Variants in AGPS observed in about 807,000 individuals in gnomAD.
The protein encoded by AGPS is alkylglycerone phosphate synthase, also known as alkyldihydroxyacetonephosphate synthase, peroxisomal.
A neutral mutation model predicts 90.7 loss-of-function variants in AGPS; 26 were observed. The ratio of observed to expected loss-of-function variants is 0.29; its 90% CI spans 0.21 to 0.40. AGPS has a LOEUF of 0.40. AGPS is among the 10% of genes least tolerant of loss of function. The pLI, the probability that AGPS is intolerant of heterozygous loss-of-function variation, is 1.00. For missense variants in AGPS, 540 were observed against 816.1 expected, an observed-to-expected ratio of 0.66 and a Z score of 4.12; for synonymous variants, 294 against 285.3, an observed-to-expected ratio of 1.03 and a Z score of -0.31.
chr2:177,530,153 C>G (rs2105740616), intron 19 of AGPS, among the ~76,000 whole-genome samples: 1 of 152,268 alleles, frequency 6.6e-6, no homozygotes, highest in South Asian at 2.1e-4. Context: ...TATGATTCAA[C>G]AATAGTTTTA....
At chr2:177,492,263 T>C (rs1046072793) in intron 11 of AGPS, among the ~76,000 whole-genome samples, 2 of 152,230 alleles carry the variant, frequency 1.3e-5, no homozygotes, top group Admixed American at 1.3e-4. Context: ...TCTCATATTT[T>C]ACTTATGTGC....
At chr2:177,436,629 G>A in intron 3 of AGPS, 135 bp from the exon 4 acceptor site, 2 of 789,076 alleles carry the variant, frequency 2.5e-6, no homozygotes, top group Non-Finnish European at 4.1e-6. Context: ...TATATGTTGT[G>A]TTGTATTTTC....
chr2:177,455,865 C>G (rs1204870447), intron 8 of AGPS, among the ~76,000 whole-genome samples: 1 of 151,618 alleles, frequency 6.6e-6, no homozygotes, highest in Non-Finnish European at 1.5e-5. Flanking sequence ...AGGAATATAT[C>G]TGAAGGTCAG....
At chr2:177,537,930 C>A in intron 19 of AGPS, 144 bp from the exon 20 acceptor site, 2 of 1,156,334 alleles carry the variant, frequency 1.7e-6, no homozygotes, top group South Asian at 1.3e-5. Flanking sequence ...GTCTGGTGGG[C>A]TCAATAAATC....
intron 1 of AGPS, among the ~76,000 whole-genome samples, chr2:177,396,464 G>A (rs1217866084): frequency 6.6e-6 from 1 of 152,174 alleles, no homozygotes; most frequent in Admixed American, 6.5e-5. Context: ...GAAAAATGAA[G>A]CAGCTGAAGG....
chr2:177,482,985 T>C (rs1687990257), intron 11 of AGPS, among the ~76,000 whole-genome samples: 1 of 152,128 alleles, frequency 6.6e-6, no homozygotes, highest in African/African-American at 2.4e-5. Flanking sequence ...TTTTTTTCTT[T>C]CTTCAAACTC....
intron 10 of AGPS, among the ~76,000 whole-genome samples, chr2:177,469,018 T>C (rs1687536156): frequency 6.6e-6 from 1 of 152,100 alleles, no homozygotes; most frequent in Non-Finnish European, 1.5e-5. Flanking sequence ...ACACAAATAG[T>C]ATCATTTTCT....
At chr2:177,453,147 T>G (rs896044642) in intron 8 of AGPS, among the ~76,000 whole-genome samples, 3 of 152,152 alleles carry the variant, frequency 2.0e-5, no homozygotes, top group Non-Finnish European at 2.9e-5. Context: ...TAGATTGATA[T>G]TCTTTCAGCA....
chr2:177,499,397 TAA>T (rs1444519252), intron 13 of AGPS, among the ~76,000 whole-genome samples: 1 of 151,910 alleles, frequency 6.6e-6, no homozygotes, highest in East Asian at 1.9e-4. Context: ...TACTTTGAAA[TAA>T]AGTGTTTTTT....
intron 2 of AGPS, among the ~76,000 whole-genome samples, chr2:177,433,711 A>G (rs1400854550): frequency 6.6e-6 from 1 of 152,148 alleles, no homozygotes; most frequent in African/African-American, 2.4e-5. Context: ...CAAGCAATTA[A>G]CTTGACTGAT....
chr2:177,459,375 T>C (rs1352228645), intron 8 of AGPS, among the ~76,000 whole-genome samples: 2 of 152,010 alleles, frequency 1.3e-5, no homozygotes, highest in Non-Finnish European at 2.9e-5. Flanking sequence ...ATCATCAGAG[T>C]GAACAGGCAA....
At chr2:177,459,175 A>G (rs1044707440) in intron 8 of AGPS, among the ~76,000 whole-genome samples, 3 of 152,222 alleles carry the variant, frequency 2.0e-5, no homozygotes, top group Non-Finnish European at 4.4e-5. Flanking sequence ...TCAACTCAAG[A>G]TGGATCAAAG....
chr2:177,396,973 C>G (rs1353632738), intron 1 of AGPS, among the ~76,000 whole-genome samples: 1 of 137,136 alleles, frequency 7.3e-6, no homozygotes, highest in East Asian at 2.2e-4. Flanking sequence ...GAGTCTTGCT[C>G]TGTCTCCCAG....
intron 2 of AGPS, among the ~76,000 whole-genome samples, chr2:177,422,270 A>T (rs59111239): frequency 0.1 from 15,525 of 152,112 alleles, 1,152 homozygotes; most frequent in East Asian, 0.34. Flanking sequence ...GCCCTTTCTG[A>T]TGTTAGGGTA....
chr2:177,495,325 A>G lies in AGPS; in HGVS notation c.1285+2126A>G, dbSNP rs564563373. 4.6e-5 allele frequency among the ~76,000 whole-genome samples: 7 copies of G among 152,274 alleles called. No individual in the cohort carries two copies. In the South Asian group the frequency reaches 1.4e-3, roughly 32 times the overall value. On this transcript the variant is annotated intron_variant, in intron 12 of 19. Coordinates refer to ENST00000264167, the MANE Select transcript of AGPS (RefSeq NM_003659.4). ...TTACATTGTCAATAGCACACTTTAT[A>G]AAATTCTATTCATGACTGTTCGTCA... is the stretch of plus-strand genomic sequence containing the variant.
chr2:177,494,860 G>A (rs1688368302), intron 12 of AGPS, among the ~76,000 whole-genome samples: 1 of 152,038 alleles, frequency 6.6e-6, no homozygotes, highest in Non-Finnish European at 1.5e-5. Context: ...TTTAATTGAA[G>A]CCTTTACATT....
At chr2:177,448,756 C>G (rs2105647593) in intron 8 of AGPS, among the ~76,000 whole-genome samples, 1 of 152,126 alleles carries the variant, frequency 6.6e-6, no homozygotes, top group East Asian at 1.9e-4. Context: ...ACCATGAAAC[C>G]ATCATCACAA....
chr2:177,521,853 CTG>C (rs1447974716), intron 18 of AGPS, among the ~76,000 whole-genome samples: 2 of 152,196 alleles, frequency 1.3e-5, no homozygotes, highest in Non-Finnish European at 2.9e-5. Context: ...GAGTGTCAAA[CTG>C]TTTATTTTTA....
chr2:177,493,124 C>CTT (rs763200822), intron 11 of AGPS, 24 bp from the exon 12 acceptor site: 8 of 1,466,460 alleles, frequency 5.5e-6, no homozygotes, highest in Non-Finnish European at 6.6e-6. Context: ...ATTTGTATCA[C>CTT]TTTTTTTTTT....
Sources: allele counts gnomAD v4.1 joint callset (sites outside exome capture counted in the v4.1 genomes callset), GRCh38; gene constraint gnomAD v4.1.1; transcripts MANE v1.5; gene names NCBI Gene and HGNC (gene_info 2026-07-23, HGNC 2026-07-21).